The following ATF2 variants were observed in gnomAD, a reference collection of about 807,000 sequenced individuals.
ATF2 encodes the protein activating transcription factor 2.
In ATF2, 24 loss-of-function variants were observed where a neutral mutation model predicts 60.6. That is an observed-to-expected ratio of 0.40 (90% CI 0.29 to 0.56). The LOEUF is 0.56. ATF2 is among the 20% of genes least tolerant of loss of function. ATF2 has a pLI of 0.54. For missense variants in ATF2, 433 were observed against 607.7 expected, an observed-to-expected ratio of 0.71 and a Z score of 3.02; for synonymous variants, 206 against 215.4, an observed-to-expected ratio of 0.96 and a Z score of 0.38.
At chr2:175,097,704 G>A (rs765656220) in intron 10 of ATF2, 111 bp from the exon 11 acceptor site, 24 of 1,131,304 alleles carry the variant, frequency 2.1e-5, no homozygotes, top group South Asian at 1.2e-4. Context: ...CTTTTGCCTA[G>A]TACTACTAGA....
At chr2:175,124,334 T>C (rs1162269045) in intron 4 of ATF2, among the ~76,000 whole-genome samples, 1 of 151,458 alleles carries the variant, frequency 6.6e-6, no homozygotes, top group South Asian at 2.1e-4. Flanking sequence ...TAGCAATCTC[T>C]CTTAAAAGGT....
At chr2:175,135,007 A>T (rs1171912340) in intron 3 of ATF2, among the ~76,000 whole-genome samples, 5 of 71,094 alleles carry the variant, frequency 7.0e-5, no homozygotes, top group Non-Finnish European at 1.1e-4. Context: ...CCATCTCTTT[A>T]AAAAAAAAAA....
At chr2:175,114,970 A>G (rs886175010) in intron 7 of ATF2, 102 bp from the exon 8 acceptor site, 16 of 1,126,630 alleles carry the variant, frequency 1.4e-5, no homozygotes, top group Non-Finnish European at 1.8e-5. Flanking sequence ...ACAGAATAAT[A>G]ACTGCTAAAA....
chr2:175,152,700 AC>A (rs1699393963), intron 1 of ATF2, among the ~76,000 whole-genome samples: 1 of 152,240 alleles, frequency 6.6e-6, no homozygotes, highest in Non-Finnish European at 1.5e-5. Flanking sequence ...TGTTTAAAAC[AC>A]TGTTGTATCA....
intron 1 of ATF2, among the ~76,000 whole-genome samples, chr2:175,156,271 TG>T (rs1699672636): frequency 6.7e-6 from 1 of 148,164 alleles, no homozygotes; most frequent in South Asian, 2.1e-4. Flanking sequence ...CTCGGGAGGC[TG>T]AGGCAGGAAA....
chr2:175,077,860 T>C (rs560301649), intron 13 of ATF2, among the ~76,000 whole-genome samples: 44 of 152,266 alleles, frequency 2.9e-4, no homozygotes, highest in African/African-American at 9.9e-4. Flanking sequence ...ACTAGAGAGA[T>C]ACAGAAAACC....
rs1699116796 is a variant in ATF2 at position 175,148,808 on chromosome 2, T to G, written c.-44+2252A>C. 1.3e-5 allele frequency among the ~76,000 whole-genome samples: 2 copies of G among 152,116 alleles called. 1 individual carries two copies. Among genetic ancestry groups the G allele is most frequent in the South Asian group, 4.1e-4 (2 of 4,826 alleles). The stretch of plus-strand genomic sequence containing the variant: ...AGTAACTCTTTCAACCAACTGCCAA[T>G]CAGAAAATCTTTGAATCCTATGAAC... On this transcript the variant is annotated intron_variant, in intron 2 of 13. Transcript: ENST00000264110.
At chr2:175,103,439 G>C (rs971484205) in intron 10 of ATF2, among the ~76,000 whole-genome samples, 2 of 152,126 alleles carry the variant, frequency 1.3e-5, no homozygotes, top group Non-Finnish European at 2.9e-5. Context: ...AGTAGGTTGA[G>C]AGAGGGTCTG....
intron 7 of ATF2, among the ~76,000 whole-genome samples, chr2:175,115,300 A>G (rs1450428024): frequency 6.6e-6 from 1 of 152,206 alleles, no homozygotes; most frequent in Non-Finnish European, 1.5e-5. Flanking sequence ...TATGGCTGAT[A>G]CAATTAAGTA....
intron 1 of ATF2, among the ~76,000 whole-genome samples, chr2:175,165,750 A>G (rs1574526937): frequency 6.6e-6 from 1 of 152,082 alleles, no homozygotes; most frequent in Non-Finnish European, 1.5e-5. Context: ...GCTCACTGCA[A>G]CCTCCGCCTC....
At chr2:175,117,913 T>C in intron 7 of ATF2, 77 bp downstream of exon 7, 1 of 1,428,972 alleles carries the variant, frequency 7.0e-7, no homozygotes, top group Non-Finnish European at 9.3e-7. Flanking sequence ...TACATTAACA[T>C]TTTATGGAGA....
intron 13 of ATF2, among the ~76,000 whole-genome samples, chr2:175,076,513 G>A (rs150669436): frequency 1.7e-4 from 26 of 152,190 alleles, no homozygotes; most frequent in African/African-American, 6.0e-4. Flanking sequence ...CACCAAAATA[G>A]TGAACATAGC....
At chr2:175,097,392 C>T (rs1259683789) in intron 11 of ATF2, 52 bp downstream of exon 11, 43 of 1,595,250 alleles carry the variant, frequency 2.7e-5, no homozygotes, top group Non-Finnish European at 3.3e-5. Flanking sequence ...TTACACTGTA[C>T]TTTTCTGTTT....
chr2:175,153,637 GGC>G (rs1411466435), intron 1 of ATF2, among the ~76,000 whole-genome samples: 1 of 151,964 alleles, frequency 6.6e-6, no homozygotes, highest in Non-Finnish European at 1.5e-5. Flanking sequence ...AGACCAGCCT[GGC>G]CAATATGGTG....
At position 175,073,818 on chromosome 2, in the gene ATF2, T is replaced by G. The variant is rs951797336; in HGVS notation, c.*791A>C. 1 of 152,170 alleles carries G rather than the reference T, an allele frequency of 6.6e-6. No individual in the cohort carries two copies. The highest frequency in any genetic ancestry group is 1.5e-5 in the Non-Finnish European group (1 of 68,028). 9.4% of individuals were successfully genotyped at this position (152,170 alleles called of 1,614,324 possible). A position where few individuals can be genotyped will look rare whatever the true frequency, so the allele number is the denominator to read the frequency against. On this transcript the variant is annotated 3_prime_UTR_variant, in exon 14 of 14. Transcript: ENST00000264110. ...AGCTAATTTCAAAAATTATTAGATA[T>G]TTGATAACCCTGTATCATACATTAT...
intron 1 of ATF2, among the ~76,000 whole-genome samples, chr2:175,162,493 T>C (rs1700090827): frequency 6.6e-6 from 1 of 152,236 alleles, no homozygotes. Flanking sequence ...AGTAATTCAT[T>C]TGAGATTAGT....
intron 1 of ATF2, among the ~76,000 whole-genome samples, chr2:175,162,273 C>A (rs186360934): frequency 1.3e-5 from 2 of 152,206 alleles, no homozygotes; most frequent in East Asian, 1.9e-4. Context: ...ATGATATGGC[C>A]AACTAAATAA....
chr2:175,092,142 T>G (rs1694596047), intron 12 of ATF2, among the ~76,000 whole-genome samples: 2 of 152,228 alleles, frequency 1.3e-5, no homozygotes, highest in Non-Finnish European at 2.9e-5. Flanking sequence ...CTATGTCTGA[T>G]GCTAAAAACT....
chr2:175,156,842 T>G lies in ATF2; in HGVS notation c.-142-5684A>C, dbSNP rs553249703. The stretch of plus-strand genomic sequence containing the variant: ...AAACTGTGAGACAATAAATCTTTAT[T>G]GTTTTAAGATGTTAAGTAGGTGGTA... On this transcript the variant is annotated intron_variant, in intron 1 of 13. Transcript: ENST00000264110. Among the ~76,000 whole-genome samples the G allele has an allele frequency of 2.0e-5, 3 of 152,308 alleles. No homozygotes were observed. In the East Asian group the frequency reaches 5.8e-4, roughly 29 times the overall value.
Sources: allele counts gnomAD v4.1 joint callset (sites outside exome capture counted in the v4.1 genomes callset), GRCh38; gene constraint gnomAD v4.1.1; transcripts MANE v1.5; gene names NCBI Gene and HGNC (gene_info 2026-07-23, HGNC 2026-07-21).